PRLR: variants seen among roughly 807,000 people sequenced by gnomAD.
PRLR encodes the protein prolactin receptor.
Under a neutral mutation model 40.2 loss-of-function variants are expected in PRLR, and 13 were observed. The observed-to-expected ratio is 0.32, with a 90% CI of 0.21 to 0.51. The LOEUF (loss-of-function observed/expected upper bound fraction) is 0.51, where lower values mean the gene tolerates loss of function less well. Among genes scored for constraint, PRLR ranks in the 20% least tolerant of loss-of-function variants. The probability of loss-of-function intolerance (pLI) is 0.97; values close to 1 mark genes in which losing one functional copy is unlikely to be tolerated. For missense variants in PRLR, 656 were observed against 747.3 expected (o/e 0.88, Z 1.42); for synonymous variants, 269 against 278.7 (o/e 0.97, Z 0.35).
intron 1 of PRLR, among the ~76,000 whole-genome samples, chr5:35,157,149 T>C (rs1285318897): frequency 6.6e-6 from 1 of 152,056 alleles, no homozygotes; most frequent in Non-Finnish European, 1.5e-5. Flanking sequence ...TGTCCCTAGA[T>C]ACATCAACAC....
At position 35,116,797 on chromosome 5, in the gene PRLR, T is replaced by C. The variant is rs116777714; in HGVS notation, c.-44+1264A>G. Among the ~76,000 whole-genome samples, 531 of 152,344 alleles carry C rather than the reference T, an allele frequency of 3.5e-3. 3 individuals carry two copies. The highest frequency in any genetic ancestry group is 0.011 in the African/African-American group (456 of 41,586). ...GCGTTTTGATGACTGATGACACTTC[T>C]TCTGCAAGTATTTGCTAATGTTATT... On this transcript the variant is annotated intron_variant, in intron 2 of 9. Coordinates refer to ENST00000618457, the MANE Select transcript of PRLR (RefSeq NM_000949.7).
intron 1 of PRLR, among the ~76,000 whole-genome samples, chr5:35,120,844 C>A (rs551649551): frequency 1.2e-4 from 19 of 152,312 alleles, no homozygotes; most frequent in African/African-American, 4.6e-4. Flanking sequence ...GAGAGTTTTT[C>A]TTCAAGAGCC....
intron 1 of PRLR, among the ~76,000 whole-genome samples, chr5:35,166,231 T>C (rs1774821526): frequency 6.6e-6 from 1 of 152,180 alleles, no homozygotes; most frequent in Non-Finnish European, 1.5e-5. Flanking sequence ...GTCTAAGGCT[T>C]CATGGTCATG....
chr5:35,207,910 T>C (rs1424073642), intron 1 of PRLR, among the ~76,000 whole-genome samples: 2 of 152,206 alleles, frequency 1.3e-5, no homozygotes, highest in Non-Finnish European at 2.9e-5. Flanking sequence ...TTTAGACGTT[T>C]CATTAAACTC....
intron 6 of PRLR, among the ~76,000 whole-genome samples, chr5:35,070,840 T>TAA (rs1769702068): frequency 2.1e-5 from 1 of 48,236 alleles, no homozygotes. Flanking sequence ...AAACTCCGTC[T>TAA]CAAAAAAAAA....
chr5:35,068,979 A>T, intron 7 of PRLR, 101 bp from the exon 8 acceptor site: 2 of 806,566 alleles, frequency 2.5e-6, no homozygotes, highest in Non-Finnish European at 3.9e-6. Context: ...GTTTTCCTCC[A>T]TTCATATATT....
chr5:35,187,872 C>T lies in PRLR; in HGVS notation c.-106+42396G>A, dbSNP rs1405578992. 2.0e-5 allele frequency among the ~76,000 whole-genome samples: 3 copies of T among 152,230 alleles called. No individual in the cohort carries two copies. In the East Asian group the frequency reaches 5.8e-4, roughly 29 times the overall value. On this transcript the variant is annotated intron_variant, in intron 1 of 9. Coordinates refer to ENST00000618457, the MANE Select transcript of PRLR (RefSeq NM_000949.7). ...AGGCAAGAGGGAGAGAGCCCCATTG[C>T]CTTGGACTTGGAGGTAAGGGAGTCC...
chr5:35,075,774 A>G (rs1579585579), intron 5 of PRLR, among the ~76,000 whole-genome samples: 1 of 152,308 alleles, frequency 6.6e-6, no homozygotes, highest in Admixed American at 6.5e-5. Flanking sequence ...TAGCCTAACT[A>G]GGAGACACTT....
At chr5:35,132,754 T>C (rs1050334215) in intron 1 of PRLR, among the ~76,000 whole-genome samples, 2 of 152,192 alleles carry the variant, frequency 1.3e-5, no homozygotes, top group African/African-American at 2.4e-5. Context: ...AATGAGGGAC[T>C]TTGGGGATTA....
downstream of PRLR, among the ~76,000 whole-genome samples, chr5:35,050,842 G>T (rs1768470330): frequency 6.6e-6 from 1 of 152,170 alleles, no homozygotes; most frequent in Admixed American, 6.5e-5. Context: ...GTTTTGGAAG[G>T]ATTTCAGATA....
chr5:35,068,996 A>G lies in PRLR; in HGVS notation c.686-118T>C, dbSNP rs1005247694. ...TTTCCTCCATTCATATATTTTTTTG[A>G]TTTGAACAGCAATCCAAAGTATCAT... On this transcript the variant is annotated intron_variant, in intron 7 of 9. Transcript: ENST00000618457. The G allele has an allele frequency of 5.9e-6, 4 of 672,824 alleles. No individual in the cohort carries two copies. In the Middle Eastern group the frequency reaches 1.0e-3, roughly 172 times the overall value. The allele number at this position is 672,824 out of a possible 1,614,324, so 41.7% of individuals were successfully genotyped here.
At chr5:35,161,799 T>A (rs1395467043) in intron 1 of PRLR, among the ~76,000 whole-genome samples, 1 of 152,260 alleles carries the variant, frequency 6.6e-6, no homozygotes, top group Non-Finnish European at 1.5e-5. Context: ...CTAGAGCCAG[T>A]ATGCTTGGCA....
chr5:35,089,471 G>A, intron 3 of PRLR, 80 bp downstream of exon 3: 2 of 937,248 alleles, frequency 2.1e-6, no homozygotes, highest in Non-Finnish European at 1.7e-6. Context: ...TAATGGCATT[G>A]CAAGAAGACT....
At chr5:35,148,225 C>T (rs1008708525) in intron 1 of PRLR, among the ~76,000 whole-genome samples, 1 of 152,130 alleles carries the variant, frequency 6.6e-6, no homozygotes, top group Non-Finnish European at 1.5e-5. Context: ...CTCCACTTCA[C>T]TTTGTATAAT....
intron 2 of PRLR, among the ~76,000 whole-genome samples, chr5:35,099,782 C>T (rs929083019): frequency 7.9e-5 from 12 of 152,090 alleles, no homozygotes; most frequent in Admixed American, 2.0e-4. Flanking sequence ...AACAAAAAAA[C>T]TTTTAAAAAT....
rs138696242 is a variant in PRLR, at chr5:35,220,918, C to G, written c.-106+9350G>C. Among the ~76,000 whole-genome samples, 299 of 152,316 alleles carry G rather than the reference C, an allele frequency of 2.0e-3. 1 individual carries two copies. Among genetic ancestry groups the G allele is most frequent in the African/African-American group, 7.0e-3 (292 of 41,560 alleles). ...TACAACCTTCTGAGGATCGGTGTAT[C>G]AGACTTGGCTGGACCCTGGATAACT... On this transcript the variant is annotated intron_variant, in intron 1 of 9. Transcript: ENST00000618457.
At chr5:35,068,539 C>T (rs564031836) in intron 8 of PRLR, among the ~76,000 whole-genome samples, 1 of 152,180 alleles carries the variant, frequency 6.6e-6, no homozygotes, top group East Asian at 1.9e-4. Context: ...CTACTCTTGC[C>T]AGATTTTTAC....
chr5:35,131,069 C>T (rs1384144163), intron 1 of PRLR, among the ~76,000 whole-genome samples: 1 of 152,114 alleles, frequency 6.6e-6, no homozygotes, highest in Admixed American at 6.6e-5. Context: ...TTGTTGTAAG[C>T]CATCTAGTTG....
rs374981034 is a variant in PRLR, at chr5:35,074,831, G to T, written c.374-2087C>A. 1.1e-4 allele frequency among the ~76,000 whole-genome samples: 16 copies of T among 152,126 alleles called. No homozygotes were observed. In the South Asian group the frequency reaches 2.9e-3, roughly 28 times the overall value. The stretch of plus-strand genomic sequence containing the variant: ...AAAAATGAAGGAGGCATTTACTTCT[G>T]TAGGCTCCTGTAGGTACAGGCCTTG... On this transcript the variant is annotated intron_variant, in intron 5 of 9. Coordinates refer to ENST00000618457, the MANE Select transcript of PRLR (RefSeq NM_000949.7).
Sources: allele counts gnomAD v4.1 joint callset (sites outside exome capture counted in the v4.1 genomes callset), GRCh38; gene constraint gnomAD v4.1.1; transcripts MANE v1.5; gene names NCBI Gene and HGNC (gene_info 2026-07-23, HGNC 2026-07-21).